The following ABCC4 variants were observed in gnomAD, a reference collection of about 807,000 sequenced individuals.
ABCC4 encodes the protein ATP binding cassette subfamily C member 4 (PEL blood group).
In ABCC4, 102 loss-of-function variants were observed where a neutral mutation model predicts 168.5. That is an observed-to-expected ratio of 0.61 (90% CI 0.52 to 0.71). ABCC4 has a LOEUF of 0.71. Ranked by LOEUF, ABCC4 falls within the 30% of genes least tolerant of loss-of-function variation. The pLI, the probability that ABCC4 is intolerant of heterozygous loss-of-function variation, is 0.00. For synonymous variants in ABCC4, 617 were observed against 590.7 expected, an observed-to-expected ratio of 1.04 and a Z score of -0.65; for missense variants, 1,402 against 1,605.8, an observed-to-expected ratio of 0.87 and a Z score of 2.17.
At chr13:95,247,185 G>C in intron 2 of ABCC4, 90 bp from the exon 3 acceptor site, 1 of 1,408,982 alleles carries the variant, frequency 7.1e-7, no homozygotes, top group Admixed American at 2.2e-5. Context: ...ATGCATTTAA[G>C]ACAGGGCATT....
chr13:95,260,963 G>A (rs565588565), intron 1 of ABCC4, among the ~76,000 whole-genome samples: 1 of 151,296 alleles, frequency 6.6e-6, no homozygotes, highest in African/African-American at 2.4e-5. Flanking sequence ...GTAACTCTGT[G>A]ACTCTACCAC....
chr13:95,181,980 G>A (rs1346334151), intron 11 of ABCC4, among the ~76,000 whole-genome samples: 1 of 151,992 alleles, frequency 6.6e-6, no homozygotes, highest in Non-Finnish European at 1.5e-5. Flanking sequence ...AAAAAAGACA[G>A]GGTCTTGCTA....
intron 20 of ABCC4, among the ~76,000 whole-genome samples, chr13:95,090,194 T>C (rs1040150582): frequency 3.3e-5 from 5 of 152,106 alleles, no homozygotes; most frequent in African/African-American, 4.8e-5. Flanking sequence ...ACTGTGGTAG[T>C]GGAAGACAAA....
At chr13:95,022,088 G>A (rs1318644848) in intron 30 of ABCC4, among the ~76,000 whole-genome samples, 1 of 152,228 alleles carries the variant, frequency 6.6e-6, no homozygotes, top group Non-Finnish European at 1.5e-5. Flanking sequence ...AGATTTGGAT[G>A]TTAATATCAA....
chr13:95,183,359 A>G (rs4148489), intron 11 of ABCC4, among the ~76,000 whole-genome samples: 2,771 of 152,258 alleles, frequency 0.018, 60 homozygotes, highest in East Asian at 0.1. Flanking sequence ...CTCTGTACCT[A>G]CAAGCCAGAA....
At chr13:95,217,838 G>A (rs1442193100) in intron 4 of ABCC4, among the ~76,000 whole-genome samples, 1 of 152,120 alleles carries the variant, frequency 6.6e-6, no homozygotes, top group Non-Finnish European at 1.5e-5. Flanking sequence ...AATGACCCGG[G>A]GTGGACAGGG....
At chr13:95,222,154 T>G (rs1455917043) in intron 4 of ABCC4, among the ~76,000 whole-genome samples, 1 of 152,206 alleles carries the variant, frequency 6.6e-6, no homozygotes, top group Non-Finnish European at 1.5e-5. Context: ...AGGCATGTCC[T>G]ACAGCTCACA....
intron 20 of ABCC4, among the ~76,000 whole-genome samples, chr13:95,112,113 G>A (rs891783707): frequency 6.6e-6 from 1 of 152,198 alleles, no homozygotes; most frequent in Admixed American, 6.5e-5. Flanking sequence ...ACCACTTTGG[G>A]AGGCCGAGGT....
intron 19 of ABCC4, among the ~76,000 whole-genome samples, chr13:95,140,619 A>T (rs1005549799): frequency 6.6e-6 from 1 of 152,230 alleles, no homozygotes; most frequent in African/African-American, 2.4e-5. Context: ...TTGAACTTTA[A>T]AGGAAAAAAA....
At chr13:95,274,852 G>A (rs569011268) in intron 1 of ABCC4, among the ~76,000 whole-genome samples, 2 of 152,238 alleles carry the variant, frequency 1.3e-5, no homozygotes, top group South Asian at 4.2e-4. Flanking sequence ...CGAGGCAGGC[G>A]GATCACTTGA....
intron 1 of ABCC4, among the ~76,000 whole-genome samples, chr13:95,265,027 C>T (rs977712239): frequency 6.6e-6 from 1 of 151,954 alleles, no homozygotes; most frequent in Non-Finnish European, 1.5e-5. Context: ...CACCACCACA[C>T]CTGACTAATT....
intron 20 of ABCC4, among the ~76,000 whole-genome samples, chr13:95,110,256 C>T (rs911856214): frequency 6.7e-6 from 1 of 149,232 alleles, no homozygotes; most frequent in African/African-American, 2.5e-5. Flanking sequence ...TTGCAGTGAG[C>T]CAAGATCGCC....
chr13:95,236,064 AAACAGCAG>A (rs2039758260), intron 3 of ABCC4, among the ~76,000 whole-genome samples: 1 of 152,194 alleles, frequency 6.6e-6, no homozygotes, highest in Admixed American at 6.5e-5. Context: ...AAAGGCAAAG[AAACAGCAG>A]AACGCAGCTT....
chr13:95,022,530 A>G (rs2031151900), intron 30 of ABCC4, among the ~76,000 whole-genome samples: 1 of 152,212 alleles, frequency 6.6e-6, no homozygotes, highest in Non-Finnish European at 1.5e-5. Flanking sequence ...AAATAATGTC[A>G]AGACTTGTGA....
chr13:95,159,215 G>C (rs1173726933), intron 19 of ABCC4, among the ~76,000 whole-genome samples: 1 of 145,848 alleles, frequency 6.9e-6, no homozygotes, highest in Non-Finnish European at 1.5e-5. Context: ...ATTGTAAAAA[G>C]TGCAAAAATT....
chr13:95,209,443 G>A lies in ABCC4; in HGVS notation c.776C>T (p.Ser259Leu), dbSNP rs1000944077. 1.9e-6 allele frequency: 3 copies of A among 1,614,030 alleles called. No homozygotes were observed. Among genetic ancestry groups the A allele is most frequent in the Non-Finnish European group, 2.5e-6 (3 of 1,179,922 alleles). Reference sequence around the variant, plus strand: ...GCAGTATTTCTCTTACCTCAGTGATGAGAACAACTTCCCAAAACAGCTTTG... The same window carrying A: ...GCAGTATTTCTCTTACCTCAGTGATAAGAACAACTTCCCAAAACAGCTTTG... Reference protein sequence around the residue: ...PLQSCFGKLFSSLRSKTATFT... With the variant: ...PLQSCFGKLFLSLRSKTATFT... The change falls in exon 6 of 31, where the codon TCA becomes TTA. Residue 259 changes from serine to leucine, a missense_variant. By Grantham distance (145) the Ser-to-Leu change is moderately radical. Transcript: ENST00000645237.
intron 20 of ABCC4, among the ~76,000 whole-genome samples, chr13:95,102,787 A>T (rs929003072): frequency 1.3e-5 from 2 of 149,272 alleles, no homozygotes; most frequent in Admixed American, 6.6e-5. Flanking sequence ...CGCCCAGCTA[A>T]TTTTTGTATT....
At chr13:95,245,508 G>A (rs909407575) in intron 3 of ABCC4, among the ~76,000 whole-genome samples, 6 of 152,126 alleles carry the variant, frequency 3.9e-5, no homozygotes, top group Admixed American at 2.0e-4. Context: ...AAACACTATC[G>A]CTGGGACACC....
At chr13:95,140,706 C>T (rs887600233) in intron 19 of ABCC4, among the ~76,000 whole-genome samples, 12 of 152,326 alleles carry the variant, frequency 7.9e-5, no homozygotes, top group African/African-American at 2.9e-4. Context: ...ACCCAGCTGA[C>T]ACGTTTGCAG....
Sources: allele counts gnomAD v4.1 joint callset (sites outside exome capture counted in the v4.1 genomes callset), GRCh38; gene constraint gnomAD v4.1.1; transcripts MANE v1.5; gene names NCBI Gene and HGNC (gene_info 2026-07-23, HGNC 2026-07-21).